ASCC3: variants seen among roughly 807,000 people sequenced by gnomAD.
ASCC3 encodes ASC-1 complex subunit P200.
In ASCC3, 158 loss-of-function variants were observed where a neutral mutation model predicts 256.3. The observed-to-expected ratio is 0.62, with a 90% CI of 0.54 to 0.70. The LOEUF (loss-of-function observed/expected upper bound fraction) is 0.70, where lower values mean the gene tolerates loss of function less well. ASCC3 is among the 30% of genes least tolerant of loss of function. The pLI is 0.00. For synonymous variants in ASCC3, 948 were observed against 883.4 expected (o/e 1.07, Z -1.30); for missense variants, 2,259 against 2,626.0 (o/e 0.86, Z 3.05).
intron 37 of ASCC3, among the ~76,000 whole-genome samples, chr6:100,529,569 C>A (rs1242548539): frequency 6.6e-6 from 1 of 151,876 alleles, no homozygotes; most frequent in East Asian, 1.9e-4. Context: ...TTTAAGTATG[C>A]ATTGAAAAAC....
intron 18 of ASCC3, among the ~76,000 whole-genome samples, chr6:100,652,480 T>C (rs985623012): frequency 6.6e-6 from 1 of 152,156 alleles, no homozygotes; most frequent in African/African-American, 2.4e-5. Context: ...CAAATGTGCC[T>C]TGACTATTTA....
chr6:100,826,031 C>A (rs547664320), intron 4 of ASCC3, among the ~76,000 whole-genome samples: 1 of 152,102 alleles, frequency 6.6e-6, no homozygotes, highest in East Asian at 1.9e-4. Context: ...GTAATGACAA[C>A]AAAATGCTGA....
At chr6:100,792,452 T>C (rs1358246494) in intron 8 of ASCC3, among the ~76,000 whole-genome samples, 1 of 151,902 alleles carries the variant, frequency 6.6e-6, no homozygotes. Context: ...AAGTGCTTGA[T>C]ATCCAAAGGT....
At chr6:100,681,472 T>C (rs1436854621) in intron 13 of ASCC3, among the ~76,000 whole-genome samples, 3 of 152,100 alleles carry the variant, frequency 2.0e-5, no homozygotes, top group African/African-American at 4.8e-5. Flanking sequence ...CTCACACCTG[T>C]AATCCCAGCA....
intron 10 of ASCC3, among the ~76,000 whole-genome samples, chr6:100,749,780 C>G (rs1318118165): frequency 6.6e-6 from 1 of 151,438 alleles, no homozygotes; most frequent in Non-Finnish European, 1.5e-5. Flanking sequence ...CTTTAGAAAA[C>G]TATTTATGAG....
chr6:100,742,417 G>A (rs1389688019), intron 10 of ASCC3, among the ~76,000 whole-genome samples: 1 of 152,148 alleles, frequency 6.6e-6, no homozygotes, highest in Non-Finnish European at 1.5e-5. Context: ...GCATTAGGGG[G>A]TACGCTTCCA....
chr6:100,712,002 C>T (rs996166624), intron 13 of ASCC3, among the ~76,000 whole-genome samples: 3 of 152,102 alleles, frequency 2.0e-5, no homozygotes, highest in Non-Finnish European at 4.4e-5. Context: ...ATATCTTTGA[C>T]TAAGGAACAA....
intron 8 of ASCC3, among the ~76,000 whole-genome samples, chr6:100,770,404 G>C (rs1781860430): frequency 6.6e-6 from 1 of 151,578 alleles, no homozygotes; most frequent in Non-Finnish European, 1.5e-5. Flanking sequence ...CTAAAACCAG[G>C]AATAGGAAGG....
chr6:100,812,416 G>A (rs1237961410), intron 4 of ASCC3, among the ~76,000 whole-genome samples: 2 of 151,180 alleles, frequency 1.3e-5, no homozygotes, highest in African/African-American at 2.4e-5. Flanking sequence ...GAACTAAAGA[G>A]AACCGTGATT....
chr6:100,544,951 A>C (rs1438953003), intron 36 of ASCC3, among the ~76,000 whole-genome samples: 1 of 152,228 alleles, frequency 6.6e-6, no homozygotes, highest in African/African-American at 2.4e-5. Flanking sequence ...AGAATAATAC[A>C]TCATGACCAA....
intron 4 of ASCC3, among the ~76,000 whole-genome samples, chr6:100,836,251 T>C (rs1771868867): frequency 6.6e-6 from 1 of 152,114 alleles, no homozygotes. Flanking sequence ...CTTCTTTCTC[T>C]TGCCTACCTG....
intron 36 of ASCC3, among the ~76,000 whole-genome samples, chr6:100,559,587 C>T (rs533517030): frequency 9.2e-5 from 14 of 152,240 alleles, no homozygotes; most frequent in Middle Eastern, 3.4e-3. Flanking sequence ...TGGTGGCTCA[C>T]GCCTGTAATC....
chr6:100,713,107 G>C (rs1778930482), intron 13 of ASCC3, among the ~76,000 whole-genome samples: 2 of 152,070 alleles, frequency 1.3e-5, no homozygotes, highest in South Asian at 4.2e-4. Flanking sequence ...CTTACGTCCG[G>C]ACAAAAACCT....
intron 22 of ASCC3, 152 bp from the exon 23 acceptor site, chr6:100,644,281 T>A: frequency 1.6e-6 from 1 of 644,036 alleles, no homozygotes; most frequent in South Asian, 1.8e-5. Context: ...TAAATGATTT[T>A]AATATATTTC....
intron 13 of ASCC3, among the ~76,000 whole-genome samples, chr6:100,690,078 A>T (rs1452457033): frequency 6.6e-6 from 1 of 152,126 alleles, no homozygotes; most frequent in Non-Finnish European, 1.5e-5. Flanking sequence ...TATCCATGGG[A>T]GACTGGTTTC....
intron 13 of ASCC3, among the ~76,000 whole-genome samples, chr6:100,707,068 G>T (rs901029833): frequency 2.0e-5 from 3 of 152,038 alleles, no homozygotes; most frequent in African/African-American, 7.2e-5. Flanking sequence ...TCACAAGTAT[G>T]TTAAAACTTT....
intron 14 of ASCC3, 56 bp from the exon 15 acceptor site, chr6:100,662,592 A>AAAT: frequency 6.4e-7 from 1 of 1,553,804 alleles, no homozygotes; most frequent in Non-Finnish European, 8.9e-7. Flanking sequence ...AATTGTTTTT[A>AAAT]GCATTTCTGT....
intron 14 of ASCC3, among the ~76,000 whole-genome samples, chr6:100,664,296 T>G (rs994719143): frequency 6.6e-5 from 10 of 151,986 alleles, no homozygotes; most frequent in African/African-American, 2.2e-4. Flanking sequence ...GGGACTGGGG[T>G]TCCATTCTAG....
At chr6:100,521,353 C>A (rs560483119) in intron 37 of ASCC3, among the ~76,000 whole-genome samples, 4 of 152,144 alleles carry the variant, frequency 2.6e-5, no homozygotes, top group East Asian at 1.9e-4. Flanking sequence ...AGAAATCATA[C>A]GCTGAGGTTG....
Sources: allele counts gnomAD v4.1 joint callset (sites outside exome capture counted in the v4.1 genomes callset), GRCh38; gene constraint gnomAD v4.1.1; transcripts MANE v1.5; gene names NCBI Gene and HGNC (gene_info 2026-07-23, HGNC 2026-07-21).